MICAL2: variants seen among roughly 807,000 people sequenced by gnomAD.
MICAL2 encodes the protein [F-actin]-monooxygenase MICAL2.
Under a neutral mutation model 127.3 loss-of-function variants are expected in MICAL2, and 77 were observed. The ratio of observed to expected loss-of-function variants is 0.60; its 90% confidence interval spans 0.50 to 0.73. The LOEUF is 0.73. Ranked by LOEUF, MICAL2 falls within the 30% of genes least tolerant of loss-of-function variation. The probability of loss-of-function intolerance (pLI) is 0.00; values close to 1 mark genes in which losing one functional copy is unlikely to be tolerated. For synonymous variants in MICAL2, 570 were observed against 551.1 expected (o/e 1.03, Z -0.48); for missense variants, 1,351 against 1,434.4 (o/e 0.94, Z 0.94).
intron 4 of MICAL2, among the ~76,000 whole-genome samples, chr11:12,206,254 G>T (rs1854667039): frequency 6.6e-6 from 1 of 152,200 alleles, no homozygotes; most frequent in Non-Finnish European, 1.5e-5. Flanking sequence ...GCCCTGGGCT[G>T]GTTGGGCTGG....
At chr11:12,114,010 C>A (rs1016269872) in intron 1 of MICAL2, among the ~76,000 whole-genome samples, 1 of 152,180 alleles carries the variant, frequency 6.6e-6, no homozygotes, top group African/African-American at 2.4e-5. Flanking sequence ...AGCTTTTATG[C>A]GAGCTATGTC....
intron 31 of MICAL2, among the ~76,000 whole-genome samples, chr11:12,326,069 G>A (rs1045626784): frequency 6.6e-6 from 1 of 152,220 alleles, no homozygotes; most frequent in African/African-American, 2.4e-5. Context: ...CCCGGTGGCT[G>A]TGCAGGCCCC....
upstream of MICAL2, among the ~76,000 whole-genome samples, chr11:12,273,615 A>G (rs1419877106): frequency 6.6e-6 from 1 of 151,140 alleles, no homozygotes; most frequent in African/African-American, 2.4e-5. Flanking sequence ...AAATTTCTTC[A>G]GTCATCTTCA....
intron 27 of MICAL2, chr11:12,262,775 G>A (rs558631553): frequency 3.1e-5 from 15 of 490,122 alleles, no homozygotes; most frequent in South Asian, 1.9e-4. Flanking sequence ...TGCATGCCCC[G>A]CCTCTCCTCT....
chr11:12,162,445 C>T, intron 3 of MICAL2, 26 bp downstream of exon 3: 1 of 1,611,038 alleles, frequency 6.2e-7, no homozygotes, highest in Non-Finnish European at 8.5e-7. Context: ...CCTAGTCTTA[C>T]CTTTGCAGGG....
intron 32 of MICAL2, among the ~76,000 whole-genome samples, chr11:12,342,992 A>G (rs928468864): frequency 2.6e-5 from 4 of 152,164 alleles, no homozygotes; most frequent in African/African-American, 9.6e-5. Flanking sequence ...GAGCAAGGCA[A>G]GGTTGAACTG....
chr11:12,171,637 G>C (rs1185181040), intron 3 of MICAL2, among the ~76,000 whole-genome samples: 2 of 152,182 alleles, frequency 1.3e-5, no homozygotes, highest in Non-Finnish European at 2.9e-5. Flanking sequence ...CGCTGAATTT[G>C]TAAGAGTGCA....
At chr11:12,357,371 A>G (rs1939144460) in intron 34 of MICAL2, among the ~76,000 whole-genome samples, 1 of 152,174 alleles carries the variant, frequency 6.6e-6, no homozygotes, top group Non-Finnish European at 1.5e-5. Context: ...TAACAATCCT[A>G]TCTCCCCCAG....
chr11:12,252,182 G>C (rs910568211), intron 22 of MICAL2, among the ~76,000 whole-genome samples: 1 of 152,202 alleles, frequency 6.6e-6, no homozygotes, highest in Non-Finnish European at 1.5e-5. Context: ...GCAGGGGATG[G>C]AACATCAGGC....
intron 29 of MICAL2, among the ~76,000 whole-genome samples, chr11:12,308,864 T>C (rs2134819146): frequency 6.6e-6 from 1 of 152,370 alleles, no homozygotes; most frequent in East Asian, 1.9e-4. Flanking sequence ...TGCAGATTTC[T>C]TTTGTCAGTC....
At chr11:12,142,074 T>C (rs1486771761) in intron 2 of MICAL2, among the ~76,000 whole-genome samples, 1 of 152,226 alleles carries the variant, frequency 6.6e-6, no homozygotes, top group East Asian at 1.9e-4. Flanking sequence ...CTAAGTCTCC[T>C]GATTCCCAGC....
chr11:12,135,761 GCAGCTCCCCTGGTTTGGCT>G (rs940319729), intron 1 of MICAL2, among the ~76,000 whole-genome samples: 57 of 152,244 alleles, frequency 3.7e-4, no homozygotes, highest in African/African-American at 1.3e-3. Context: ...TGCTCTGTCT[GCAGCTCCCCTGGTTTGGCT>G]CAGCACCTGA....
chr11:12,209,917 G>A (rs1358615351), intron 6 of MICAL2, among the ~76,000 whole-genome samples: 1 of 152,174 alleles, frequency 6.6e-6, no homozygotes, highest in African/African-American at 2.4e-5. Flanking sequence ...AAGATAAAGT[G>A]TCATGGGGGA....
chr11:12,246,766 T>C (rs1043740628), intron 21 of MICAL2, among the ~76,000 whole-genome samples: 1 of 152,098 alleles, frequency 6.6e-6, no homozygotes, highest in Non-Finnish European at 1.5e-5. Context: ...ATCACCACCC[T>C]CAGTAAACAA....
At chr11:12,301,395 T>G (rs1196311455) in intron 29 of MICAL2, among the ~76,000 whole-genome samples, 1 of 152,240 alleles carries the variant, frequency 6.6e-6, no homozygotes, top group African/African-American at 2.4e-5. Context: ...TATTCGTGCC[T>G]TCTGTTTTTG....
intron 1 of MICAL2, among the ~76,000 whole-genome samples, chr11:12,280,227 G>A (rs542515844): frequency 9.2e-5 from 14 of 152,160 alleles, no homozygotes; most frequent in South Asian, 6.2e-4. Flanking sequence ...TTAAATGCCT[G>A]AAGTTTCGGG....
chr11:12,256,910 C>G lies in MICAL2; in HGVS notation c.3081C>G (p.Phe1027Leu). The change falls in exon 24 of 28, where the codon TTC (phenylalanine) becomes TTG (leucine). Residue 1027 changes from phenylalanine to leucine, a missense_variant. Physicochemically the swap from Phe to Leu is conservative, Grantham distance 22 (BLOSUM62 0). This residue lies in a region of MICAL2 where 752 missense variants were observed against 719.4 expected (regional missense o/e 1.05). Transcript: ENST00000683283. ...AEGHFFHREC[F>L]RCSICATTLR... Reference sequence around the variant, plus strand: ...GCCACTTCTTCCACCGGGAGTGTTTCCGCTGCAGCATCTGTGCCACCACCT... The same window carrying G: ...GCCACTTCTTCCACCGGGAGTGTTTGCGCTGCAGCATCTGTGCCACCACCT... The G allele has an allele frequency of 6.2e-7, 1 of 1,614,172 alleles. No individual in the cohort carries two copies. Among genetic ancestry groups the G allele is most frequent in the Non-Finnish European group, 8.5e-7 (1 of 1,180,010 alleles).
intron 1 of MICAL2, among the ~76,000 whole-genome samples, chr11:12,119,056 A>G (rs1850284984): frequency 6.6e-6 from 1 of 152,020 alleles, no homozygotes; most frequent in African/African-American, 2.4e-5. Flanking sequence ...CTCCTCCTGT[A>G]GGGAGCCAAC....
chr11:12,215,667 G>A (rs1856054959), intron 7 of MICAL2, among the ~76,000 whole-genome samples: 2 of 152,224 alleles, frequency 1.3e-5, no homozygotes, highest in Admixed American at 6.5e-5. Flanking sequence ...TGTGTAAAAT[G>A]TCTTGTGATT....
Sources: gnomAD v4.1 joint callset for allele counts (sites outside exome capture counted in the v4.1 genomes callset) on GRCh38, gnomAD v4.1.1 for gene constraint, gnomAD v4.1.1 regional missense constraint, MANE v1.5 for transcripts, NCBI Gene and HGNC (gene_info 2026-07-23, HGNC 2026-07-21) for gene names.